Variants in AK3 observed in about 807,000 individuals in gnomAD.
AK3 encodes adenylate kinase 3, also known as GTP:AMP phosphotransferase AK3, mitochondrial.
Under a neutral mutation model 23.7 loss-of-function variants are expected in AK3, and 27 were observed. The ratio of observed to expected loss-of-function variants is 1.14; its 90% CI spans 0.84 to 1.57. AK3 has a LOEUF of 1.57. AK3 is among the 40% of genes most tolerant of loss of function. The pLI, the probability that AK3 is intolerant of heterozygous loss-of-function variation, is 0.00. For synonymous variants in AK3, 159 were observed against 116.0 expected (o/e 1.37, Z -2.38); for missense variants, 406 against 285.6 (o/e 1.42, Z -3.04).
chr9:4,729,015 A>ATATATATTTTTTTT (rs71326127), intron 1 of AK3, among the ~76,000 whole-genome samples: 2 of 129,450 alleles, frequency 1.5e-5, no homozygotes, highest in African/African-American at 2.9e-5. Context: ...ATATATATAT[A>ATATATATTTTTTTT]TTTTTTTTTT....
At chr9:4,726,367 A>G (rs10974751) in intron 1 of AK3, among the ~76,000 whole-genome samples, 75,745 of 152,058 alleles carry the variant, frequency 0.5, 20,194 homozygotes, top group East Asian at 0.74. Flanking sequence ...TCAAAACTGT[A>G]GTCTATCCTC....
At chr9:4,735,283 AC>A in intron 1 of AK3, among the ~76,000 whole-genome samples, 1 of 68,258 alleles carries the variant, frequency 1.5e-5, no homozygotes. Flanking sequence ...AAATATATAT[AC>A]ATATATAAAT....
chr9:4,738,221 A>C (rs12380629), intron 1 of AK3, among the ~76,000 whole-genome samples: 47,885 of 152,178 alleles, frequency 0.31, 8,848 homozygotes, highest in Non-Finnish European at 0.4. Context: ...GCTGGAATGC[A>C]ATGGCGCCAT....
In AK3 at chr9:4,736,552, T is replaced by C. The variant is rs568772177; in HGVS notation, c.151+4385A>G. ...GCCTATGTGCCACAGGTGTACATAA[T>C]AATGTTTTGAAGAAATATAGAATCC... On this transcript the variant is annotated intron_variant, in intron 1 of 4. Coordinates refer to ENST00000381809, the MANE Select transcript of AK3 (RefSeq NM_016282.4). Among the ~76,000 whole-genome samples the C allele has an allele frequency of 1.3e-3, 191 of 151,616 alleles. 1 individual carries two copies. Among genetic ancestry groups the C allele is most frequent in the Middle Eastern group, 6.8e-3 (2 of 294 alleles).
At position 4,741,094 on chromosome 9, in the gene AK3, A is replaced by C. The variant is rs1210415720; in HGVS notation, c.-7T>G. 6.5e-7 allele frequency: 1 copy of C among 1,528,390 alleles called. No individual in the cohort carries two copies. 94.7% of individuals were successfully genotyped at this position (1,528,390 alleles called of 1,614,324 possible). A position where few individuals can be genotyped will look rare whatever the true frequency, so the allele number is the denominator to read the frequency against. Reference sequence around the variant, plus strand: ...GCCGCGCGGACGCCCCCATGGCCGCAGACTGAGGCCCGCACCGCGCGGGTA... The same window carrying C: ...GCCGCGCGGACGCCCCCATGGCCGCCGACTGAGGCCCGCACCGCGCGGGTA... On this transcript the variant is annotated 5_prime_UTR_variant, in exon 1 of 5. Coordinates refer to ENST00000381809, the MANE Select transcript of AK3 (RefSeq NM_016282.4).
At chr9:4,714,683 T>A (rs1240448724) in intron 4 of AK3, among the ~76,000 whole-genome samples, 1 of 152,212 alleles carries the variant, frequency 6.6e-6, no homozygotes, top group African/African-American at 2.4e-5. Flanking sequence ...AATTTCTGTG[T>A]AATAAAATGG....
Position 4,736,156 on chromosome 9 carries a change from A to T in AK3, c.151+4781T>A, listed in dbSNP as rs114881609. 6.5e-3 allele frequency among the ~76,000 whole-genome samples: 984 copies of T among 151,894 alleles called. 13 individuals are homozygous for T. Among genetic ancestry groups the T allele is most frequent in the African/African-American group, 0.023 (943 of 41,410 alleles). On this transcript the variant is annotated intron_variant, in intron 1 of 4. Coordinates refer to ENST00000381809, the MANE Select transcript of AK3 (RefSeq NM_016282.4). ...AAAAGTTGATTTTGGTGATGTCTGC[A>T]CAACTCTGTGAATATATTAAAGTCC...
chr9:4,741,655 C>G (rs1030441410), upstream of AK3: 2 of 152,826 alleles, frequency 1.3e-5, no homozygotes, highest in African/African-American at 4.8e-5. Context: ...GGGATCCACC[C>G]GCATCCACCC....
chr9:4,713,096 C>G lies in AK3; in HGVS notation c.564G>C (p.Gln188His), dbSNP rs374202443. The change falls in exon 5 of 5, where the codon CAG becomes CAC. Residue 188 changes from glutamine to histidine, a missense_variant and splice_region_variant. Transcript: ENST00000381809. ...AGAATGTTTCCAGCACCCCTTTTTT[C>G]CTAAAGATGAAACAAAAACAAAACA... ...DQTKPVLEYYQKKGVLETFSG... is the reference protein window; with the variant it reads ...DQTKPVLEYYHKKGVLETFSG... 17 of 1,612,722 alleles carry G rather than the reference C, an allele frequency of 1.1e-5. No homozygotes were observed. The highest frequency in any genetic ancestry group is 1.7e-5 in the Admixed American group (1 of 59,920).
At chr9:4,716,849 T>C (rs1841749229) in intron 4 of AK3, among the ~76,000 whole-genome samples, 1 of 152,186 alleles carries the variant, frequency 6.6e-6, no homozygotes, top group African/African-American at 2.4e-5. Context: ...GAGAATTGCT[T>C]GAGCCCAGGA....
chr9:4,725,533 C>T (rs996756143), intron 1 of AK3, among the ~76,000 whole-genome samples: 8 of 151,994 alleles, frequency 5.3e-5, no homozygotes, highest in African/African-American at 1.9e-4. Flanking sequence ...CTTTGGGAGG[C>T]TGAGGTGGGC....
In AK3 at chr9:4,712,840, A is replaced by G; in HGVS notation, c.*136T>C. ...ATTTGGCACATCCTTAGTATCCAAA[A>G]TAAAATCAGTAGAAATAAAAGTAAT... On this transcript the variant is annotated 3_prime_UTR_variant, in exon 5 of 5. Coordinates refer to ENST00000381809, the MANE Select transcript of AK3 (RefSeq NM_016282.4). 9.6e-7 allele frequency: 1 copy of G among 1,036,486 alleles called. No homozygotes were observed. The highest frequency in any genetic ancestry group is 1.3e-6 in the Non-Finnish European group (1 of 742,900). 64.2% of individuals were successfully genotyped at this position (1,036,486 alleles called of 1,614,324 possible).
At chr9:4,713,997 C>A in intron 4 of AK3, among the ~76,000 whole-genome samples, 1 of 150,812 alleles carries the variant, frequency 6.6e-6, no homozygotes, top group Non-Finnish European at 1.5e-5. Context: ...CACATATACG[C>A]CTACACATAT....
chr9:4,719,329 A>G (rs748592220), intron 2 of AK3, 22 bp from the exon 3 acceptor site: 1 of 1,501,504 alleles, frequency 6.7e-7, no homozygotes, highest in African/African-American at 1.4e-5. Flanking sequence ...AAAAAAGAAA[A>G]AGAAGAAGAA....
At chr9:4,726,018 TA>T (rs1256128219) in intron 1 of AK3, among the ~76,000 whole-genome samples, 1 of 152,182 alleles carries the variant, frequency 6.6e-6, no homozygotes, top group African/African-American at 2.4e-5. Flanking sequence ...AAAAGTTATA[TA>T]TTTACATTAC....
rs999839252 is a variant in AK3 at position 4,710,215 on chromosome 9, C to CT, written c.*2760dup. The CT allele has an allele frequency of 4.4e-4, 65 of 148,408 alleles. No homozygotes were observed. In the Middle Eastern group the frequency reaches 0.014, roughly 31 times the overall value. The allele number at this position is 148,408 out of a possible 1,614,324, so 9.2% of individuals were successfully genotyped here. On this transcript the variant is annotated 3_prime_UTR_variant, in exon 5 of 5. Transcript: ENST00000381809. ...TCAGTTGAGGTGCTGTTCTCCCTGG[C>CT]TTTTTTTTTTGAGACGGAGTCTCCC...
chr9:4,736,513 T>C (rs939227456), intron 1 of AK3, among the ~76,000 whole-genome samples: 2 of 151,798 alleles, frequency 1.3e-5, no homozygotes, highest in African/African-American at 4.8e-5. Flanking sequence ...ATCAGTATCA[T>C]TCTAATTATG....
intron 1 of AK3, among the ~76,000 whole-genome samples, chr9:4,723,789 G>A (rs1020701594): frequency 4.6e-5 from 7 of 152,118 alleles, no homozygotes; most frequent in African/African-American, 1.4e-4. Flanking sequence ...TTTAAATTGT[G>A]TAAATTAGTC....
Position 4,709,916 on chromosome 9 carries a change from T to C in AK3, c.*3060A>G, listed in dbSNP as rs1006096730. 68 of 152,244 alleles carry C rather than the reference T, an allele frequency of 4.5e-4. No individual in the cohort carries two copies. Among genetic ancestry groups the C allele is most frequent in the Admixed American group, 1.2e-3 (19 of 15,290 alleles). 9.4% of individuals were successfully genotyped at this position (152,244 alleles called of 1,614,324 possible). On this transcript the variant is annotated 3_prime_UTR_variant, in exon 5 of 5. Coordinates refer to ENST00000381809, the MANE Select transcript of AK3 (RefSeq NM_016282.4). ...TGCAACTATAGCAATTTAACATAATTTGAGATCTATAATTACAATGATTTG... is the reference window on the plus strand; with the variant it reads ...TGCAACTATAGCAATTTAACATAATCTGAGATCTATAATTACAATGATTTG...
Sources: gnomAD v4.1 joint callset for allele counts (sites outside exome capture counted in the v4.1 genomes callset) on GRCh38, gnomAD v4.1.1 for gene constraint, MANE v1.5 for transcripts, NCBI Gene and HGNC (gene_info 2026-07-23, HGNC 2026-07-21) for gene names.